Variants in SLAIN2 observed in about 807,000 individuals in gnomAD.
SLAIN2 encodes the protein SLAIN motif-containing protein 2.
A neutral mutation model predicts 56.6 loss-of-function variants in SLAIN2; 31 were observed. The observed-to-expected ratio is 0.55, with a 90% CI of 0.41 to 0.74. SLAIN2 has a LOEUF of 0.74. Ranked by LOEUF, SLAIN2 falls within the 30% of genes least tolerant of loss-of-function variation. The pLI is 0.00. For missense variants in SLAIN2, 777 were observed against 754.2 expected, an observed-to-expected ratio of 1.03 and a Z score of -0.35; for synonymous variants, 317 against 284.9, an observed-to-expected ratio of 1.11 and a Z score of -1.13.
chr4:48,403,927 G>T (rs115015281), intron 6 of SLAIN2, among the ~76,000 whole-genome samples: 164 of 152,310 alleles, frequency 1.1e-3, no homozygotes, highest in African/African-American at 3.8e-3. Context: ...TCTGTGGGTT[G>T]CAAAGATCCG....
Position 48,384,403 on chromosome 4 carries a change from A to G in SLAIN2, c.1360+619A>G, listed in dbSNP as rs563245986. 3.9e-5 allele frequency among the ~76,000 whole-genome samples: 6 copies of G among 152,316 alleles called. 1 individual carries two copies. Among genetic ancestry groups the G allele is most frequent in the African/African-American group, 1.4e-4 (6 of 41,584 alleles). On this transcript the variant is annotated intron_variant, in intron 6 of 7. Coordinates refer to ENST00000264313, the MANE Select transcript of SLAIN2 (RefSeq NM_020846.2). ...TTGATTTTCTGTGTTTGTTAAGGCT[A>G]TTTTAATGAAAAAATACAATATTGA...
intron 1 of SLAIN2, among the ~76,000 whole-genome samples, chr4:48,358,509 G>A (rs1715225047): frequency 6.6e-6 from 1 of 151,912 alleles, no homozygotes; most frequent in Admixed American, 6.6e-5. Flanking sequence ...AGTAGAGATG[G>A]GGTTTCTCCA....
intron 1 of SLAIN2, among the ~76,000 whole-genome samples, chr4:48,357,878 T>C (rs1456525900): frequency 6.6e-6 from 1 of 151,770 alleles, no homozygotes; most frequent in Non-Finnish European, 1.5e-5. Context: ...TAAAAAACTT[T>C]TGTAGAGACA....
At chr4:48,353,700 T>A (rs1715079195) in intron 1 of SLAIN2, among the ~76,000 whole-genome samples, 1 of 152,192 alleles carries the variant, frequency 6.6e-6, no homozygotes, top group Non-Finnish European at 1.5e-5. Context: ...TTTTAGGCTG[T>A]GAAACAGTGG....
At chr4:48,358,412 C>T (rs1451342037) in intron 1 of SLAIN2, among the ~76,000 whole-genome samples, 1 of 151,926 alleles carries the variant, frequency 6.6e-6, no homozygotes, top group African/African-American at 2.4e-5. Flanking sequence ...CTCCGCCTCC[C>T]AGGTTCAAGC....
chr4:48,424,952 A>G lies in SLAIN2; in HGVS notation c.*2875A>G, dbSNP rs1371090687. ...ACGTTTGATTTGCAAACATTTCTAT[A>G]GCCGAACTTGTATATGTGGTTGCCT... On this transcript the variant is annotated 3_prime_UTR_variant, in exon 8 of 8. Transcript: ENST00000264313. 2 of 152,158 alleles carry G rather than the reference A, an allele frequency of 1.3e-5. No homozygotes were observed. Among genetic ancestry groups the G allele is most frequent in the African/African-American group, 2.4e-5 (1 of 41,446 alleles). 9.4% of individuals were successfully genotyped at this position (152,158 alleles called of 1,614,324 possible).
rs746678140 is a variant in SLAIN2 at position 48,379,663 on chromosome 4, G to A, written c.704-27G>A. 5.1e-6 allele frequency: 7 copies of A among 1,370,950 alleles called. No homozygotes were observed. In the East Asian group the frequency reaches 1.9e-4, roughly 37 times the overall value. The allele number at this position is 1,370,950 out of a possible 1,614,324, so 84.9% of individuals were successfully genotyped here. ...TTCAATAGTTGCTTTACCAGAGTTT[G>A]AATTTTTTTCTTTTTTTTTTTTTAA... On this transcript the variant is annotated intron_variant, in intron 3 of 7. Transcript: ENST00000264313.
chr4:48,379,929 G>C, intron 4 of SLAIN2, 81 bp downstream of exon 4: 1 of 1,220,666 alleles, frequency 8.2e-7, no homozygotes, highest in Non-Finnish European at 1.1e-6. Context: ...TTAAAGTATT[G>C]TGGGGGTAGT....
intron 6 of SLAIN2, among the ~76,000 whole-genome samples, chr4:48,403,076 C>T (rs1411572692): frequency 6.6e-6 from 1 of 152,230 alleles, no homozygotes; most frequent in Admixed American, 6.5e-5. Flanking sequence ...AGATGGCAGC[C>T]TGTCCCTTCC....
At chr4:48,353,240 T>A (rs1329906960) in intron 1 of SLAIN2, among the ~76,000 whole-genome samples, 2 of 152,142 alleles carry the variant, frequency 1.3e-5, no homozygotes, top group Non-Finnish European at 2.9e-5. Flanking sequence ...ACTAACCAGA[T>A]GAGATGTCAG....
intron 1 of SLAIN2, among the ~76,000 whole-genome samples, chr4:48,348,706 AG>A (rs1714935186): frequency 1.4e-5 from 2 of 146,698 alleles, no homozygotes; most frequent in African/African-American, 5.4e-5. Context: ...AAAAAAAAAA[AG>A]AAGATACCTT....
chr4:48,418,825 A>G (rs571845974), intron 6 of SLAIN2, among the ~76,000 whole-genome samples: 14 of 151,332 alleles, frequency 9.3e-5, no homozygotes, highest in Non-Finnish European at 1.8e-4. Flanking sequence ...ACTTTCCTCA[A>G]ATTTCTTTAT....
At chr4:48,406,745 ATTCT>A (rs1448054955) in intron 6 of SLAIN2, among the ~76,000 whole-genome samples, 1 of 152,014 alleles carries the variant, frequency 6.6e-6, no homozygotes, top group Non-Finnish European at 1.5e-5. Context: ...AACAGTATTC[ATTCT>A]TTCAATTTTT....
rs1375734584 is a variant in SLAIN2, at chr4:48,379,776, G to A, written c.790G>A (p.Asp264Asn). The A allele has an allele frequency of 6.3e-7, 1 of 1,598,452 alleles. No individual in the cohort carries two copies. The highest frequency in any genetic ancestry group is 8.5e-7 in the Non-Finnish European group (1 of 1,173,388). ...SELSASELDE[D>N]SIGSNYKLND... ...GTTAAGTGCTTCAGAATTAGATGAAGATTCAATTGGATCCAATTATAAGCT... is the reference window on the plus strand; with the variant it reads ...GTTAAGTGCTTCAGAATTAGATGAAAATTCAATTGGATCCAATTATAAGCT... The change falls in exon 4 of 8, where the codon GAT (aspartate) becomes AAT (asparagine). Residue 264 changes from aspartate (D) to asparagine (N), a missense_variant. Physicochemically the swap from Asp to Asn is conservative, Grantham distance 23. Coordinates refer to ENST00000264313, the MANE Select transcript of SLAIN2 (RefSeq NM_020846.2).
chr4:48,341,709 C>CGGCGGA lies in SLAIN2; in HGVS notation c.-25_-20dup. Reference sequence around the variant, plus strand: ...CCCTGTCGCTGCGAGAGCGAGCGGGCGGCGGAGGCGGCGGCGGCGGCGGGG... The same window carrying CGGCGGA: ...CCCTGTCGCTGCGAGAGCGAGCGGGCGGCGGAGGCGGAGGCGGCGGCGGCGGCGGGG... On this transcript the variant is annotated 5_prime_UTR_variant, in exon 1 of 8. Transcript: ENST00000264313. The CGGCGGA allele has an allele frequency of 4.6e-6, 7 of 1,521,000 alleles. No individual in the cohort carries two copies. The highest frequency in any genetic ancestry group is 2.1e-4 in the Middle Eastern group (1 of 4,854). 94.2% of individuals were successfully genotyped at this position (1,521,000 alleles called of 1,614,324 possible).
chr4:48,343,890 A>G (rs762128322), intron 1 of SLAIN2, among the ~76,000 whole-genome samples: 20 of 152,356 alleles, frequency 1.3e-4, no homozygotes, highest in Non-Finnish European at 2.4e-4. Context: ...TTGGGTATGT[A>G]TGCACTTTAA....
At chr4:48,370,502 G>A (rs1715635372) in intron 2 of SLAIN2, among the ~76,000 whole-genome samples, 2 of 152,238 alleles carry the variant, frequency 1.3e-5, no homozygotes, top group African/African-American at 4.8e-5. Context: ...TAAGTGTTAT[G>A]TGAAAGAGCC....
chr4:48,374,100 G>A (rs1356710767), intron 2 of SLAIN2, among the ~76,000 whole-genome samples: 1 of 152,206 alleles, frequency 6.6e-6, no homozygotes, highest in Admixed American at 6.5e-5. Flanking sequence ...AAGGCTCCAT[G>A]TGGGATGAAG....
At position 48,379,681 on chromosome 4, in the gene SLAIN2, T is replaced by C. The variant is rs770254088; in HGVS notation, c.704-9T>C. The C allele has an allele frequency of 7.1e-7, 1 of 1,417,688 alleles. No homozygotes were observed. Among genetic ancestry groups the C allele is most frequent in the Non-Finnish European group, 9.3e-7 (1 of 1,080,654 alleles). The allele number at this position is 1,417,688 out of a possible 1,614,324, so 87.8% of individuals were successfully genotyped here. On this transcript the variant is annotated splice_polypyrimidine_tract_variant and intron_variant, in intron 3 of 7. Coordinates refer to ENST00000264313, the MANE Select transcript of SLAIN2 (RefSeq NM_020846.2). Reference sequence around the variant, plus strand: ...AGAGTTTGAATTTTTTTCTTTTTTTTTTTTTAAGGTAACTTGAAAAGCTCA... The same window carrying C: ...AGAGTTTGAATTTTTTTCTTTTTTTCTTTTTAAGGTAACTTGAAAAGCTCA...
Sources: gnomAD v4.1 joint callset for allele counts (sites outside exome capture counted in the v4.1 genomes callset) on GRCh38, gnomAD v4.1.1 for gene constraint, MANE v1.5 for transcripts, NCBI Gene and HGNC (gene_info 2026-07-23, HGNC 2026-07-21) for gene names.